OMA1: variants seen among roughly 807,000 people sequenced by gnomAD.
OMA1 encodes the protein metalloendopeptidase OMA1, mitochondrial.
A neutral mutation model predicts 30.9 loss-of-function variants in OMA1; 38 were observed. That is an observed-to-expected ratio of 1.23 (90% CI 0.95 to 1.61). The LOEUF is 1.61. OMA1 is among the 40% of genes most tolerant of loss of function. OMA1 has a pLI of 0.00. For synonymous variants in OMA1, 173 were observed against 121.9 expected (o/e 1.42, Z -2.76); for missense variants, 461 against 349.2 (o/e 1.32, Z -2.55).
At chr1:58,507,377 T>C (rs971604871) in intron 7 of OMA1, among the ~76,000 whole-genome samples, 1 of 152,000 alleles carries the variant, frequency 6.6e-6, no homozygotes, top group Non-Finnish European at 1.5e-5. Flanking sequence ...AATAGAACAC[T>C]GCATGCTAGT....
chr1:58,489,632 A>G (rs1432520085), intron 8 of OMA1, among the ~76,000 whole-genome samples: 1 of 152,180 alleles, frequency 6.6e-6, no homozygotes, highest in African/African-American at 2.4e-5. Context: ...CTGAGAACAG[A>G]CAGACTGCCT....
intron 7 of OMA1, among the ~76,000 whole-genome samples, chr1:58,518,103 T>C (rs1159380278): frequency 6.7e-6 from 1 of 150,086 alleles, no homozygotes; most frequent in African/African-American, 2.5e-5. Context: ...GGAGAATCGC[T>C]TGAACACAGG....
At chr1:58,521,637 A>AT (rs1646266519) in intron 7 of OMA1, among the ~76,000 whole-genome samples, 1 of 152,116 alleles carries the variant, frequency 6.6e-6, no homozygotes, top group Non-Finnish European at 1.5e-5. Context: ...TAATAAGAGT[A>AT]TATTAAAACA....
chr1:58,492,383 A>C (rs1463478823), intron 8 of OMA1, among the ~76,000 whole-genome samples: 1 of 151,806 alleles, frequency 6.6e-6, no homozygotes, highest in African/African-American at 2.4e-5. Context: ...ACACATTCAA[A>C]AGCTAGCAGA....
intron 8 of OMA1, among the ~76,000 whole-genome samples, chr1:58,488,992 C>A (rs1645626398): frequency 6.6e-6 from 1 of 152,244 alleles, no homozygotes; most frequent in South Asian, 2.1e-4. Context: ...AGGAACAGCT[C>A]CAGTCTACAG....
chr1:58,494,077 C>T (rs1359176662), intron 8 of OMA1, among the ~76,000 whole-genome samples: 32 of 152,094 alleles, frequency 2.1e-4, no homozygotes, highest in Non-Finnish European at 4.0e-4. Context: ...GAGATATAGA[C>T]CATTGGAACA....
intron 7 of OMA1, among the ~76,000 whole-genome samples, chr1:58,506,876 T>C (rs1645998056): frequency 6.6e-6 from 1 of 152,086 alleles, no homozygotes; most frequent in Middle Eastern, 3.2e-3. Flanking sequence ...CAATACCTTA[T>C]AAAAGTACAA....
At chr1:58,488,412 T>C (rs1401646274) in intron 8 of OMA1, among the ~76,000 whole-genome samples, 1 of 152,204 alleles carries the variant, frequency 6.6e-6, no homozygotes, top group Non-Finnish European at 1.5e-5. Context: ...TCTGAGATTC[T>C]GGTACACCCA....
chr1:58,486,587 T>C (rs552550734), intron 8 of OMA1, among the ~76,000 whole-genome samples: 18 of 152,332 alleles, frequency 1.2e-4, no homozygotes, highest in African/African-American at 3.8e-4. Context: ...ATAGGTACTA[T>C]GGATACAGCA....
At chr1:58,503,896 A>C (rs576154463) in intron 8 of OMA1, among the ~76,000 whole-genome samples, 1 of 152,352 alleles carries the variant, frequency 6.6e-6, no homozygotes, top group African/African-American at 2.4e-5. Context: ...AATGCTCACA[A>C]AAGGCACGAA....
intron 1 of OMA1, among the ~76,000 whole-genome samples, chr1:58,540,363 C>A (rs1646587441): frequency 6.6e-6 from 1 of 150,812 alleles, no homozygotes; most frequent in African/African-American, 2.4e-5. Context: ...TAAAAATCAC[C>A]AAGCATGCAA....
intron 1 of OMA1, among the ~76,000 whole-genome samples, chr1:58,545,178 A>G (rs1646681064): frequency 6.6e-6 from 1 of 152,134 alleles, no homozygotes; most frequent in East Asian, 1.9e-4. Flanking sequence ...CCACAGAAAA[A>G]GAAAGCTCTC....
chr1:58,511,792 CG>C (rs1472603443), intron 7 of OMA1, among the ~76,000 whole-genome samples: 2 of 152,074 alleles, frequency 1.3e-5, no homozygotes, highest in African/African-American at 4.8e-5. Context: ...AAGATTTAAA[CG>C]TAAGACCTAA....
chr1:58,544,845 C>T (rs1210801599), intron 1 of OMA1, among the ~76,000 whole-genome samples: 1 of 152,330 alleles, frequency 6.6e-6, no homozygotes, highest in East Asian at 1.9e-4. Context: ...CTGCTCACCT[C>T]GGTCTCCCAA....
chr1:58,499,506 A>ATAGATAGATAGATAGG (rs1645866609), intron 8 of OMA1, among the ~76,000 whole-genome samples: 1 of 135,356 alleles, frequency 7.4e-6, no homozygotes, highest in African/African-American at 3.1e-5. Flanking sequence ...AGATAGATAG[A>ATAGATAGATAGATAGG]TAAATAGATA....
In OMA1 at chr1:58,539,115, C is replaced by G; in HGVS notation, c.180G>C (p.Arg60Ser). 1.1e-6 allele frequency: 1 copy of G among 872,944 alleles called. No homozygotes were observed. Among genetic ancestry groups the G allele is most frequent in the Non-Finnish European group, 2.0e-6 (1 of 501,640 alleles). 54.1% of individuals were successfully genotyped at this position (872,944 alleles called of 1,614,324 possible). A position where few individuals can be genotyped will look rare whatever the true frequency, so the allele number is the denominator to read the frequency against. Residue 60 changes from arginine (R) to serine (S), a missense_variant, in exon 2 of 9, where the codon AGG becomes AGC. Arg to Ser is a moderately radical substitution (Grantham distance 110, BLOSUM62 -1). Transcript: ENST00000371226. The part of the protein sequence containing the change: ...YQGLGVNQCD[R>S]WSFLPGNFHF... The stretch of plus-strand genomic sequence containing the variant: ...GAAAGTTTCCAGGCAGAAAACTCCA[C>G]CTGTCACACTGATTTACTCCCAGTC...
At chr1:58,540,229 T>C (rs1414016682) in intron 1 of OMA1, among the ~76,000 whole-genome samples, 2 of 150,758 alleles carry the variant, frequency 1.3e-5, no homozygotes, top group Non-Finnish European at 3.0e-5. Flanking sequence ...TAACAAATAT[T>C]AAAAGCAACC....
intron 8 of OMA1, among the ~76,000 whole-genome samples, chr1:58,490,741 C>A (rs1645666875): frequency 1.3e-5 from 2 of 149,118 alleles, no homozygotes; most frequent in South Asian, 4.3e-4. Flanking sequence ...AACAGCGGAT[C>A]TCTCAGCAGA....
At chr1:58,523,474 A>G (rs1470144275) in intron 7 of OMA1, among the ~76,000 whole-genome samples, 1 of 152,168 alleles carries the variant, frequency 6.6e-6, no homozygotes, top group Non-Finnish European at 1.5e-5. Flanking sequence ...TGAGCCTTAA[A>G]GGTCCTTATG....
Sources: allele counts gnomAD v4.1 joint callset (sites outside exome capture counted in the v4.1 genomes callset), GRCh38; gene constraint gnomAD v4.1.1; transcripts MANE v1.5; gene names NCBI Gene and HGNC (gene_info 2026-07-23, HGNC 2026-07-21).